Variants in CRMP1 observed in about 807,000 individuals in gnomAD.
The protein encoded by CRMP1 is dihydropyrimidinase-related protein 1.
A neutral mutation model predicts 68.3 loss-of-function variants in CRMP1; 19 were observed. The observed-to-expected ratio is 0.28, with a 90% CI of 0.19 to 0.41. The LOEUF (loss-of-function observed/expected upper bound fraction) is 0.41, where lower values mean the gene tolerates loss of function less well. CRMP1 is among the 10% of genes least tolerant of loss of function. CRMP1 has a pLI of 1.00. For missense variants in CRMP1, 791 were observed against 967.4 expected, an observed-to-expected ratio of 0.82 and a Z score of 2.42; for synonymous variants, 439 against 399.6, an observed-to-expected ratio of 1.10 and a Z score of -1.18.
rs942062215 is a variant in CRMP1, at chr4:5,888,033, G to A, written c.381+4556C>T. On this transcript the variant is annotated intron_variant, in intron 1 of 13. Coordinates refer to ENST00000324989, the MANE Select transcript of CRMP1 (RefSeq NM_001014809.3). The surrounding 1 kb of genome is among the most constrained non-coding windows in gnomAD (Gnocchi z 6.4). ...GCTCCAGCCCCGCCCCGCCATGCGGGGCTCCCCCACCCCCATTGTCCCCAG... is the reference window on the plus strand; with the variant it reads ...GCTCCAGCCCCGCCCCGCCATGCGGAGCTCCCCCACCCCCATTGTCCCCAG... Among the ~76,000 whole-genome samples the A allele has an allele frequency of 6.6e-6, 1 of 151,910 alleles. No homozygotes were observed. The highest frequency in any genetic ancestry group is 2.4e-5 in the African/African-American group (1 of 41,418).
chr4:5,845,505 G>A lies in CRMP1; in HGVS notation c.964-2344C>T, dbSNP rs114443011. Among the ~76,000 whole-genome samples, 1,241 of 152,296 alleles carry A rather than the reference G, an allele frequency of 8.1e-3. 16 individuals are homozygous for A. Among genetic ancestry groups the A allele is most frequent in the African/African-American group, 0.028 (1,163 of 41,566 alleles). ...CTATATCCAGAAATACACCACCTAC[G>A]AGAGGCTGGATGCAAATCCTGCACC... On this transcript the variant is annotated intron_variant, in intron 6 of 13. Transcript: ENST00000324989.
rs1253989191 is a variant in CRMP1, at chr4:5,843,969, A to T, written c.964-808T>A. Among the ~76,000 whole-genome samples, 1 of 135,220 alleles carries T rather than the reference A, an allele frequency of 7.4e-6. No homozygotes were observed. Among genetic ancestry groups the T allele is most frequent in the African/African-American group, 3.0e-5 (1 of 32,958 alleles). 88.7% of individuals were successfully genotyped at this position (135,220 alleles called of 152,430 possible). ...AACACTTTAATTTCTAAAATAAAAAATAAAAAAAAAATTTGACATTGCCCA... is the reference window on the plus strand; with the variant it reads ...AACACTTTAATTTCTAAAATAAAAATTAAAAAAAAAATTTGACATTGCCCA... On this transcript the variant is annotated intron_variant, in intron 6 of 13. Coordinates refer to ENST00000324989, the MANE Select transcript of CRMP1 (RefSeq NM_001014809.3). The surrounding 1 kb of genome is among the most constrained non-coding windows in gnomAD (Gnocchi z 4.1).
At position 5,834,216 on chromosome 4, in the gene CRMP1, A is replaced by G. The variant is rs1186311498; in HGVS notation, c.1623+1699T>C. Among the ~76,000 whole-genome samples the G allele has an allele frequency of 6.6e-6, 1 of 152,210 alleles. No homozygotes were observed. Among genetic ancestry groups the G allele is most frequent in the Admixed American group, 6.5e-5 (1 of 15,280 alleles). On this transcript the variant is annotated intron_variant, in intron 11 of 13. Coordinates refer to ENST00000324989, the MANE Select transcript of CRMP1 (RefSeq NM_001014809.3). The surrounding 1 kb of genome is among the most constrained non-coding windows in gnomAD (Gnocchi z 4.3). ...CAGCCAGATGGCGGTAGGAGTGCAC[A>G]CCCTGTGCTATGGTTGGAATATCCC...
intron 10 of CRMP1, 49 bp downstream of exon 10, chr4:5,836,716 G>C: frequency 6.2e-7 from 1 of 1,613,600 alleles, no homozygotes; most frequent in South Asian, 1.1e-5. Context: ...GCTTTCACAG[G>C]GCAGGTAGAG....
At chr4:5,880,524 G>C (rs1190572900) in intron 1 of CRMP1, among the ~76,000 whole-genome samples, 2 of 152,110 alleles carry the variant, frequency 1.3e-5, no homozygotes, top group African/African-American at 4.8e-5. Flanking sequence ...CCAACACCAG[G>C]TCATTATTTA....
At chr4:5,828,864 A>C (rs898678720) in intron 11 of CRMP1, among the ~76,000 whole-genome samples, 196 bp from the exon 12 acceptor site, 5 of 152,086 alleles carry the variant, frequency 3.3e-5, no homozygotes, top group Non-Finnish European at 7.4e-5. Context: ...ACCGTTGCGC[A>C]TGTAGGCTGC....
Position 5,821,552 on chromosome 4 carries a change from T to C in CRMP1, c.*208A>G, listed in dbSNP as rs1438512164. The C allele has an allele frequency of 5.3e-6, 3 of 563,766 alleles. No individual in the cohort carries two copies. Among genetic ancestry groups the C allele is most frequent in the East Asian group, 5.6e-5 (2 of 35,662 alleles). 34.9% of individuals were successfully genotyped at this position (563,766 alleles called of 1,614,324 possible). A position where few individuals can be genotyped will look rare whatever the true frequency, so the allele number is the denominator to read the frequency against. ...ACCATGCTCCGAGGTGGATTCAGCA[T>C]GAACACAACTGTGGGGCAAGGAATT... On this transcript the variant is annotated 3_prime_UTR_variant, in exon 14 of 14. Coordinates refer to ENST00000324989, the MANE Select transcript of CRMP1 (RefSeq NM_001014809.3). This position sits in a 1 kb window ranked among gnomAD's most constrained non-coding sequence, Gnocchi z 4.4.
rs1279374761 is a variant in CRMP1, at chr4:5,856,293, G to C, written c.670C>G (p.Pro224Ala). ...GTCAGTAGGCTGGACCCAGGTTCAG[G>C]AACAACATGGTCAACTGGGACAGAG... Reference protein sequence around the residue: ...GTTMIIDHVVPEPGSSLLTSF... With the variant: ...GTTMIIDHVVAEPGSSLLTSF... The change falls in exon 4 of 14, where the codon CCT becomes GCT. Residue 224 changes from proline to alanine, a missense_variant. This residue lies in a region of CRMP1 where 594 missense variants were observed against 763.6 expected (regional missense o/e 0.78). Coordinates refer to ENST00000324989, the MANE Select transcript of CRMP1 (RefSeq NM_001014809.3). 2 of 1,613,404 alleles carry C rather than the reference G, an allele frequency of 1.2e-6. No individual in the cohort carries two copies. Among genetic ancestry groups the C allele is most frequent in the Non-Finnish European group, 1.7e-6 (2 of 1,179,674 alleles).
In CRMP1 at chr4:5,865,225, CCTT is replaced by C. The variant is rs922052598; in HGVS notation, c.470+1440_470+1442del. Among the ~76,000 whole-genome samples, 22 of 152,156 alleles carry C rather than the reference CCTT, an allele frequency of 1.4e-4. No homozygotes were observed. The highest frequency in any genetic ancestry group is 1.3e-3 in the Admixed American group (20 of 15,276). On this transcript the variant is annotated intron_variant, in intron 2 of 13. Transcript: ENST00000324989. This position sits in a 1 kb window ranked among gnomAD's most constrained non-coding sequence, Gnocchi z 4.1. ...CTCATGCTGGATCCTTAAACAGTGT[CCTT>C]CTCTTCTCTTCCAGATTTCAAGGGA...
intron 1 of CRMP1, among the ~76,000 whole-genome samples, chr4:5,874,948 T>A (rs1437836365): frequency 1.3e-5 from 2 of 152,206 alleles, no homozygotes; most frequent in Non-Finnish European, 2.9e-5. Flanking sequence ...ACCAAAACCC[T>A]GCTGGGCTGC....
At chr4:5,840,174 G>C (rs1002283177) in intron 8 of CRMP1, among the ~76,000 whole-genome samples, 1 of 152,162 alleles carries the variant, frequency 6.6e-6, no homozygotes, top group African/African-American at 2.4e-5. Flanking sequence ...ACAGCTGAGG[G>C]CCCTGGCACT....
At chr4:5,822,758 G>C (rs751578147) in intron 13 of CRMP1, among the ~76,000 whole-genome samples, 2 of 152,186 alleles carry the variant, frequency 1.3e-5, no homozygotes, top group Non-Finnish European at 2.9e-5. Flanking sequence ...TAAGCTGTAA[G>C]TCTGCCTTTC....
At position 5,893,003 on chromosome 4, in the gene CRMP1, G is replaced by A. The variant is rs1319178910; in HGVS notation, c.-34C>T. 4 of 1,143,394 alleles carry A rather than the reference G, an allele frequency of 3.5e-6. No individual in the cohort carries two copies. Among genetic ancestry groups the A allele is most frequent in the Non-Finnish European group, 4.3e-6 (4 of 930,562 alleles). The allele number at this position is 1,143,394 out of a possible 1,614,324, so 70.8% of individuals were successfully genotyped here. A position where few individuals can be genotyped will look rare whatever the true frequency, so the allele number is the denominator to read the frequency against. ...AAGGCCGGCCACCCACCGCGCTCCC[G>A]CCTGCCCGCCCGCGGCCCTGGGCAC... On this transcript the variant is annotated 5_prime_UTR_variant, in exon 1 of 14. Coordinates refer to ENST00000324989, the MANE Select transcript of CRMP1 (RefSeq NM_001014809.3).
At chr4:5,851,027 G>C (rs1712580388) in intron 5 of CRMP1, among the ~76,000 whole-genome samples, 1 of 152,174 alleles carries the variant, frequency 6.6e-6, no homozygotes, top group African/African-American at 2.4e-5. Flanking sequence ...GCTCATAAAT[G>C]GTCCCCATCC....
chr4:5,860,815 C>A lies in CRMP1; in HGVS notation c.655+211G>T, dbSNP rs1314084048. Among the ~76,000 whole-genome samples the A allele has an allele frequency of 6.6e-6, 1 of 151,970 alleles. No individual in the cohort carries two copies. Among genetic ancestry groups the A allele is most frequent in the Non-Finnish European group, 1.5e-5 (1 of 68,008 alleles). ...TTTTTTAAAATTGGTACCTATAAAA[C>A]CGTATTGTTTATTAAGCCATCTTCT... On this transcript the variant is annotated intron_variant, in intron 3 of 13. Coordinates refer to ENST00000324989, the MANE Select transcript of CRMP1 (RefSeq NM_001014809.3). This position sits in a 1 kb window ranked among gnomAD's most constrained non-coding sequence, Gnocchi z 4.2.
chr4:5,878,284 T>G (rs985600001), intron 1 of CRMP1, among the ~76,000 whole-genome samples: 1 of 151,876 alleles, frequency 6.6e-6, no homozygotes, highest in Non-Finnish European at 1.5e-5. Flanking sequence ...GTGTACCTAG[T>G]TGATACATCT....
chr4:5,888,158 G>A lies in CRMP1; in HGVS notation c.381+4431C>T. ...GCCCCTGCCGGCGCCCCGTGGATCT[G>A]GACCCTGCCGGGCGCCCACTCCCAG... On this transcript the variant is annotated intron_variant, in intron 1 of 13. Coordinates refer to ENST00000324989, the MANE Select transcript of CRMP1 (RefSeq NM_001014809.3). The surrounding 1 kb of genome is among the most constrained non-coding windows in gnomAD (Gnocchi z 6.4). 1 of 1,232,130 alleles carries A rather than the reference G, an allele frequency of 8.1e-7. No individual in the cohort carries two copies. The allele number at this position is 1,232,130 out of a possible 1,614,324, so 76.3% of individuals were successfully genotyped here.
At chr4:5,840,382 A>T (rs1380809321) in intron 8 of CRMP1, among the ~76,000 whole-genome samples, 3 of 152,220 alleles carry the variant, frequency 2.0e-5, no homozygotes, top group Admixed American at 6.5e-5. Context: ...TCCCCAGGAA[A>T]GATCTTTGCA....
chr4:5,860,960 T>C lies in CRMP1; in HGVS notation c.655+66A>G. On this transcript the variant is annotated intron_variant, in intron 3 of 13. Coordinates refer to ENST00000324989, the MANE Select transcript of CRMP1 (RefSeq NM_001014809.3). This position sits in a 1 kb window ranked among gnomAD's most constrained non-coding sequence, Gnocchi z 4.2. The stretch of plus-strand genomic sequence containing the variant: ...GAGCCTCGAACACACTGAGCACTTG[T>C]GATGCTGGTGATGGGGAGGAGACCT... 1 of 1,524,770 alleles carries C rather than the reference T, an allele frequency of 6.6e-7. No individual in the cohort carries two copies. Among genetic ancestry groups the C allele is most frequent in the Non-Finnish European group, 8.9e-7 (1 of 1,117,532 alleles). 94.5% of individuals were successfully genotyped at this position (1,524,770 alleles called of 1,614,324 possible).
Sources: gnomAD v4.1 joint callset for allele counts (sites outside exome capture counted in the v4.1 genomes callset) on GRCh38, gnomAD v4.1.1 for gene constraint, gnomAD v4.1.1 regional missense constraint, Gnocchi (gnomAD v3.1) non-coding constraint, MANE v1.5 for transcripts, NCBI Gene and HGNC (gene_info 2026-07-23, HGNC 2026-07-21) for gene names.